MIPOL1: variants seen among roughly 807,000 people sequenced by gnomAD.
MIPOL1 encodes the protein mirror-image polydactyly gene 1 protein.
In MIPOL1, 57 loss-of-function variants were observed where a neutral mutation model predicts 60.9. The ratio of observed to expected loss-of-function variants is 0.94; its 90% CI spans 0.76 to 1.17. The LOEUF (loss-of-function observed/expected upper bound fraction) is 1.17. Among genes scored for constraint, MIPOL1 ranks in the 50% most tolerant of loss-of-function variants. The pLI is 0.00. For missense variants in MIPOL1, 551 were observed against 511.6 expected (o/e 1.08, Z -0.74); for synonymous variants, 179 against 168.8 (o/e 1.06, Z -0.47).
At chr14:37,536,376 A>C (rs2153638589) in intron 12 of MIPOL1, among the ~76,000 whole-genome samples, 1 of 152,298 alleles carries the variant, frequency 6.6e-6, no homozygotes, top group East Asian at 1.9e-4. Flanking sequence ...ATCCCAAAAT[A>C]CATCTATTTT....
intron 9 of MIPOL1, among the ~76,000 whole-genome samples, chr14:37,325,050 A>G (rs759491037): frequency 1.4e-4 from 21 of 152,112 alleles, no homozygotes; most frequent in Non-Finnish European, 2.1e-4. Context: ...TAAGAGTCAG[A>G]TTTTTAATTT....
chr14:37,322,487 A>G (rs575708980), intron 9 of MIPOL1, among the ~76,000 whole-genome samples: 1 of 152,146 alleles, frequency 6.6e-6, no homozygotes, highest in African/African-American at 2.4e-5. Context: ...GTTCTTATAT[A>G]GATAAGAAAT....
intron 6 of MIPOL1, among the ~76,000 whole-genome samples, chr14:37,280,195 C>T (rs2083991382): frequency 6.6e-6 from 1 of 151,986 alleles, no homozygotes. Flanking sequence ...TCCATTGTAC[C>T]ACATTAAAAA....
chr14:37,335,258 GTAAATATACATAACA>G (rs923290875), intron 9 of MIPOL1, among the ~76,000 whole-genome samples: 1 of 151,870 alleles, frequency 6.6e-6, no homozygotes, highest in Non-Finnish European at 1.5e-5. Flanking sequence ...AAAAATTGTG[GTAAATATACATAACA>G]TAAATATACA....
intron 9 of MIPOL1, among the ~76,000 whole-genome samples, chr14:37,347,481 T>G (rs2091026126): frequency 6.6e-6 from 1 of 152,166 alleles, no homozygotes; most frequent in South Asian, 2.1e-4. Context: ...AGTGATTAAA[T>G]TAAAAATGAG....
At chr14:37,539,099 G>A (rs529002352) in intron 12 of MIPOL1, among the ~76,000 whole-genome samples, 2 of 152,110 alleles carry the variant, frequency 1.3e-5, no homozygotes, top group South Asian at 4.1e-4. Context: ...CTACTCGGGA[G>A]GCTGAGGCAG....
At chr14:37,269,121 C>T (rs530224376) in intron 5 of MIPOL1, among the ~76,000 whole-genome samples, 1 of 152,096 alleles carries the variant, frequency 6.6e-6, no homozygotes, top group Admixed American at 6.5e-5. Context: ...AGATAGAATG[C>T]ACTGGTTTCA....
chr14:37,236,943 T>G (rs1451116097), intron 1 of MIPOL1, among the ~76,000 whole-genome samples: 2 of 152,160 alleles, frequency 1.3e-5, no homozygotes, highest in Non-Finnish European at 2.9e-5. Flanking sequence ...GGTGAAAGTT[T>G]AAGATCTCAG....
chr14:37,353,072 T>G (rs2091524676), intron 9 of MIPOL1, among the ~76,000 whole-genome samples: 1 of 131,202 alleles, frequency 7.6e-6, no homozygotes, highest in African/African-American at 2.9e-5. Context: ...TATTTTGAAA[T>G]ATGTCCCATC....
chr14:37,198,063 C>G lies in MIPOL1; in HGVS notation c.-240C>G, dbSNP rs1964615513. 6.6e-6 allele frequency: 1 copy of G among 152,316 alleles called. No homozygotes were observed. The highest frequency in any genetic ancestry group is 2.4e-5 in the African/African-American group (1 of 41,464). 9.4% of individuals were successfully genotyped at this position (152,316 alleles called of 1,614,324 possible). On this transcript the variant is annotated 5_prime_UTR_variant, in exon 1 of 13. Coordinates refer to ENST00000684589, the MANE Select transcript of MIPOL1 (RefSeq NM_001388067.1). ...CACTCGGCCTGAGAAACTCGGCAAG[C>G]GCGCAGTGTCGACTCCCCGGTCTAT...
intron 7 of MIPOL1, among the ~76,000 whole-genome samples, chr14:37,292,007 G>GC (rs2085111148): frequency 7.2e-6 from 1 of 138,966 alleles, no homozygotes; most frequent in East Asian, 2.1e-4. Flanking sequence ...CACACTGCAA[G>GC]CTCCACCTCC....
intron 12 of MIPOL1, among the ~76,000 whole-genome samples, chr14:37,536,090 A>C (rs1042555013): frequency 1.3e-5 from 2 of 152,094 alleles, no homozygotes; most frequent in Non-Finnish European, 2.9e-5. Flanking sequence ...TACATAGCGA[A>C]ATAGTTTGGG....
At chr14:37,337,765 T>C (rs529060764) in intron 9 of MIPOL1, among the ~76,000 whole-genome samples, 10 of 152,294 alleles carry the variant, frequency 6.6e-5, no homozygotes, top group African/African-American at 2.4e-4. Context: ...GAGTTCTTTA[T>C]ATATTCTTGA....
intron 11 of MIPOL1, among the ~76,000 whole-genome samples, chr14:37,433,371 GC>G (rs2094108417): frequency 6.6e-6 from 1 of 151,504 alleles, no homozygotes; most frequent in Non-Finnish European, 1.5e-5. Context: ...CCCTCCCCTT[GC>G]CCCCCAACCT....
intron 11 of MIPOL1, among the ~76,000 whole-genome samples, chr14:37,439,443 C>T (rs1319552204): frequency 1.3e-5 from 2 of 152,000 alleles, no homozygotes; most frequent in African/African-American, 4.8e-5. Context: ...TTCTGTGTTT[C>T]CTGGAGAGCC....
At chr14:37,537,387 C>T (rs1473819910) in intron 12 of MIPOL1, among the ~76,000 whole-genome samples, 1 of 152,046 alleles carries the variant, frequency 6.6e-6, no homozygotes, top group Non-Finnish European at 1.5e-5. Context: ...CTTTCTACAT[C>T]CCTGCTAGTG....
intron 9 of MIPOL1, among the ~76,000 whole-genome samples, chr14:37,341,680 C>T (rs973527113): frequency 1.3e-5 from 2 of 152,142 alleles, no homozygotes; most frequent in East Asian, 3.9e-4. Context: ...CCTGGCCTCA[C>T]GTGATCCCTC....
chr14:37,210,816 A>G (rs940353116), intron 1 of MIPOL1, among the ~76,000 whole-genome samples: 6 of 152,182 alleles, frequency 3.9e-5, no homozygotes, highest in African/African-American at 1.4e-4. Context: ...TCATTTGACT[A>G]CAGCTACATT....
intron 1 of MIPOL1, among the ~76,000 whole-genome samples, chr14:37,216,488 TTCCTTAGCACATGCATCATTCTCA>T (rs1463918567): frequency 1.3e-5 from 2 of 152,242 alleles, no homozygotes; most frequent in African/African-American, 2.4e-5. Flanking sequence ...ACACATTCTT[TTCCTTAGCACATGCATCATTCTCA>T]TGGATAGACC....
Sources: allele counts gnomAD v4.1 joint callset (sites outside exome capture counted in the v4.1 genomes callset), GRCh38; gene constraint gnomAD v4.1.1; transcripts MANE v1.5; gene names NCBI Gene and HGNC (gene_info 2026-07-23, HGNC 2026-07-21).